Variants in ADAM23 observed in about 807,000 individuals in gnomAD.
The protein encoded by ADAM23 is disintegrin and metalloproteinase domain-containing protein 23.
A neutral mutation model predicts 120.1 loss-of-function variants in ADAM23; 33 were observed. The ratio of observed to expected loss-of-function variants is 0.27; its 90% CI spans 0.21 to 0.37. The LOEUF is 0.37. Among genes scored for constraint, ADAM23 ranks in the 10% least tolerant of loss-of-function variants. The pLI, the probability that ADAM23 is intolerant of heterozygous loss-of-function variation, is 1.00. For missense variants in ADAM23, 862 were observed against 1,058.2 expected (o/e 0.81, Z 2.57); for synonymous variants, 367 against 375.2 (o/e 0.98, Z 0.25).
chr2:206,576,870 TAGG>T (rs770459807), intron 18 of ADAM23, among the ~76,000 whole-genome samples: 8 of 152,112 alleles, frequency 5.3e-5, no homozygotes, highest in Non-Finnish European at 8.8e-5. Flanking sequence ...ATAGCAGAAA[TAGG>T]AGAAATGTTT....
chr2:206,525,870 A>G (rs1345714414), intron 3 of ADAM23, among the ~76,000 whole-genome samples: 2 of 152,090 alleles, frequency 1.3e-5, no homozygotes, highest in Admixed American at 1.3e-4. Context: ...GATTATAGGC[A>G]TGAGCCACCG....
chr2:206,583,567 T>C (rs1698263485), intron 18 of ADAM23, among the ~76,000 whole-genome samples: 1 of 152,178 alleles, frequency 6.6e-6, no homozygotes, highest in South Asian at 2.1e-4. Flanking sequence ...TCTTATTCTT[T>C]TTTCTTTTTC....
At chr2:206,577,730 C>A (rs1468121412) in intron 18 of ADAM23, among the ~76,000 whole-genome samples, 1 of 149,970 alleles carries the variant, frequency 6.7e-6, no homozygotes, top group South Asian at 2.1e-4. Context: ...CATACGTGTG[C>A]ATGTGTCTTT....
intron 12 of ADAM23, 125 bp downstream of exon 12, chr2:206,561,337 GTTA>G: frequency 1.3e-6 from 1 of 795,826 alleles, no homozygotes; most frequent in Admixed American, 2.3e-5. Flanking sequence ...AGTGGCTTAT[GTTA>G]TTAATAAATA....
intron 3 of ADAM23, among the ~76,000 whole-genome samples, chr2:206,517,723 G>A (rs1400198492): frequency 6.6e-6 from 1 of 152,046 alleles, no homozygotes; most frequent in South Asian, 2.1e-4. Context: ...CCTTGGTGTG[G>A]CTTTCCTGGA....
At chr2:206,571,955 C>G (rs1325136833) in intron 17 of ADAM23, 139 bp downstream of exon 17, 1 of 633,582 alleles carries the variant, frequency 1.6e-6, no homozygotes, top group African/African-American at 1.8e-5. Flanking sequence ...TTTCTAGGAT[C>G]GATAAATCTC....
At chr2:206,447,150 T>C (rs1044549787) in intron 2 of ADAM23, among the ~76,000 whole-genome samples, 2 of 152,212 alleles carry the variant, frequency 1.3e-5, no homozygotes, top group African/African-American at 4.8e-5. Context: ...TTTAACCTTA[T>C]GTGGCTGTTT....
chr2:206,617,968 A>C lies in ADAM23; in HGVS notation c.*341A>C. Reference sequence around the variant, plus strand: ...AAGGAATCATTAAAAAAAATAGTAAATGATTTTTTTTCCCTCAGCCTGCTG... The same window carrying C: ...AAGGAATCATTAAAAAAAATAGTAACTGATTTTTTTTCCCTCAGCCTGCTG... On this transcript the variant is annotated 3_prime_UTR_variant, in exon 26 of 26. Transcript: ENST00000264377. 4.7e-6 allele frequency: 1 copy of C among 212,882 alleles called. No individual in the cohort carries two copies. Among genetic ancestry groups the C allele is most frequent in the East Asian group, 1.1e-4 (1 of 9,228 alleles). 13.2% of individuals were successfully genotyped at this position (212,882 alleles called of 1,614,324 possible).
At chr2:206,608,757 A>T (rs1698775846) in intron 24 of ADAM23, among the ~76,000 whole-genome samples, 1 of 152,096 alleles carries the variant, frequency 6.6e-6, no homozygotes, top group African/African-American at 2.4e-5. Context: ...CACATTATGC[A>T]TGCAATTTGT....
At chr2:206,577,725 G>A (rs1369350101) in intron 18 of ADAM23, among the ~76,000 whole-genome samples, 14 of 148,462 alleles carry the variant, frequency 9.4e-5, no homozygotes, top group Non-Finnish European at 1.8e-4. Context: ...ATAAACATAC[G>A]TGTGCATGTG....
intron 9 of ADAM23, among the ~76,000 whole-genome samples, chr2:206,553,083 A>G (rs1029655703): frequency 6.6e-6 from 1 of 152,170 alleles, no homozygotes; most frequent in Non-Finnish European, 1.5e-5. Flanking sequence ...TCGATGTTTA[A>G]AAAGGAAAAA....
intron 3 of ADAM23, among the ~76,000 whole-genome samples, chr2:206,499,399 A>T (rs1696332606): frequency 6.6e-6 from 1 of 150,750 alleles, no homozygotes; most frequent in East Asian, 2.0e-4. Context: ...AAGGACAAAA[A>T]ACCAAACACT....
intron 3 of ADAM23, among the ~76,000 whole-genome samples, chr2:206,489,317 C>A (rs1696080929): frequency 6.6e-6 from 1 of 152,198 alleles, no homozygotes; most frequent in South Asian, 2.1e-4. Context: ...ATGCTCACTG[C>A]TGTCATTTCT....
At chr2:206,608,727 G>A (rs1015827336) in intron 24 of ADAM23, among the ~76,000 whole-genome samples, 1 of 150,848 alleles carries the variant, frequency 6.6e-6, no homozygotes, top group African/African-American at 2.5e-5. Flanking sequence ...ACCAAGCACT[G>A]GATGGTCTCC....
chr2:206,526,172 AC>A (rs1696943561), intron 3 of ADAM23, among the ~76,000 whole-genome samples: 3 of 148,506 alleles, frequency 2.0e-5, no homozygotes, highest in African/African-American at 7.5e-5. Flanking sequence ...ACACACACAC[AC>A]ACACACAGAC....
chr2:206,594,917 T>C lies in ADAM23; in HGVS notation c.2247+12T>C, dbSNP rs1386797098. ...GTTCGGGCCATGGGGTAAGTAGGTA[T>C]CAATGTGACAGCTGGAACCTTCATG... On this transcript the variant is annotated intron_variant, in intron 23 of 25. Coordinates refer to ENST00000264377, the MANE Select transcript of ADAM23 (RefSeq NM_003812.4). The C allele has an allele frequency of 4.3e-6, 7 of 1,613,662 alleles. No individual in the cohort carries two copies. The highest frequency in any genetic ancestry group is 5.9e-6 in the Non-Finnish European group (7 of 1,179,762).
chr2:206,552,598 G>T (rs186894678), intron 9 of ADAM23, among the ~76,000 whole-genome samples: 33 of 151,868 alleles, frequency 2.2e-4, no homozygotes, highest in Non-Finnish European at 1.6e-4. Context: ...CCTTATTTAG[G>T]CTATCAAATC....
intron 2 of ADAM23, among the ~76,000 whole-genome samples, chr2:206,479,206 T>G (rs866561493): frequency 2.6e-4 from 40 of 152,204 alleles, no homozygotes; most frequent in African/African-American, 8.4e-4. Flanking sequence ...ATTGTGTAAC[T>G]CCTACAATTC....
At chr2:206,550,072 C>T in intron 8 of ADAM23, 23 bp from the exon 9 acceptor site, 1 of 1,453,720 alleles carries the variant, frequency 6.9e-7, no homozygotes, top group Non-Finnish European at 9.6e-7. Flanking sequence ...ACTATTCTGA[C>T]CATATATTTT....
Sources: allele counts gnomAD v4.1 joint callset (sites outside exome capture counted in the v4.1 genomes callset), GRCh38; gene constraint gnomAD v4.1.1; transcripts MANE v1.5; gene names NCBI Gene and HGNC (gene_info 2026-07-23, HGNC 2026-07-21).